Variants in GPLD1 observed in about 807,000 individuals in gnomAD.
GPLD1 encodes glycosylphosphatidylinositol specific phospholipase D1.
Under a neutral mutation model 112.6 loss-of-function variants are expected in GPLD1, and 84 were observed. The observed-to-expected ratio is 0.75, with a 90% CI of 0.63 to 0.89. The LOEUF is 0.89. GPLD1 is among the 40% of genes least tolerant of loss of function. The probability of loss-of-function intolerance (pLI) is 0.00; values close to 1 mark genes in which losing one functional copy is unlikely to be tolerated. For synonymous variants in GPLD1, 386 were observed against 403.8 expected (o/e 0.96, Z 0.53); for missense variants, 1,044 against 1,051.5 (o/e 0.99, Z 0.10).
At chr6:24,494,138 A>G (rs1425612027), upstream of GPLD1, among the ~76,000 whole-genome samples, 1 of 152,154 alleles carries the variant, frequency 6.6e-6, no homozygotes, top group Non-Finnish European at 1.5e-5. Context: ...CTAGTTGGTG[A>G]CCCAACTTTA....
intron 4 of GPLD1, 101 bp from the exon 5 acceptor site, chr6:24,475,332 ACCT>A: frequency 1.4e-6 from 1 of 695,174 alleles, no homozygotes; most frequent in Admixed American, 2.4e-5. Flanking sequence ...TGTTACTGAG[ACCT>A]AACAAAAAAT....
intron 6 of GPLD1, chr6:24,473,001 C>G (rs1763877251): frequency 6.1e-6 from 1 of 164,560 alleles, no homozygotes; most frequent in African/African-American, 2.4e-5. Flanking sequence ...GTCTTGAACT[C>G]CTGACCTCAG....
At chr6:24,439,945 G>A (rs1376678170) in intron 20 of GPLD1, among the ~76,000 whole-genome samples, 1 of 152,118 alleles carries the variant, frequency 6.6e-6, no homozygotes, top group African/African-American at 2.4e-5. Flanking sequence ...ACGAGCACTA[G>A]TCCCTAGGGT....
At chr6:24,440,756 G>A (rs1196585592) in intron 20 of GPLD1, among the ~76,000 whole-genome samples, 2 of 149,590 alleles carry the variant, frequency 1.3e-5, no homozygotes, top group East Asian at 2.0e-4. Context: ...AGAAGAAAAT[G>A]TATATACTAT....
Position 24,467,183 on chromosome 6 carries a change from T to A in GPLD1, c.637A>T (p.Ile213Phe). ...TACGCTTACATTTCTAAGAACTGGATATGTGAACAATCAACGATTACATTT... is the reference window on the plus strand; with the variant it reads ...TACGCTTACATTTCTAAGAACTGGAAATGTGAACAATCAACGATTACATTT... ...TENVIVDCSH[I>F]QFLEMYGEML... The change falls in exon 8 of 25, where the codon ATC (isoleucine) becomes TTC (phenylalanine). Residue 213 changes from isoleucine (I) to phenylalanine (F), a missense_variant. Ile to Phe is a conservative substitution (Grantham distance 21). Transcript: ENST00000230036. The A allele has an allele frequency of 1.3e-6, 2 of 1,576,516 alleles. No homozygotes were observed. The highest frequency in any genetic ancestry group is 1.7e-6 in the Non-Finnish European group (2 of 1,145,676).
chr6:24,470,972 GT>G (rs924912677), intron 7 of GPLD1, among the ~76,000 whole-genome samples: 5 of 152,146 alleles, frequency 3.3e-5, no homozygotes, highest in African/African-American at 1.2e-4. Flanking sequence ...TTCCAGCAAA[GT>G]TTTTCTTGGA....
chr6:24,431,535 C>CTT (rs59056170), intron 24 of GPLD1, among the ~76,000 whole-genome samples: 11 of 139,046 alleles, frequency 7.9e-5, no homozygotes, highest in African/African-American at 1.3e-4. Flanking sequence ...TAAGGTTAAA[C>CTT]TTTTTTTTTT....
chr6:24,440,293 A>G (rs1561831472), intron 20 of GPLD1, among the ~76,000 whole-genome samples: 1 of 152,140 alleles, frequency 6.6e-6, no homozygotes. Flanking sequence ...CATCACTACA[A>G]AAAGTAGGGT....
chr6:24,488,959 T>C (rs1273643586), intron 1 of GPLD1, among the ~76,000 whole-genome samples: 1 of 152,146 alleles, frequency 6.6e-6, no homozygotes, highest in African/African-American at 2.4e-5. Flanking sequence ...TTACAGCAAT[T>C]TGACTCAGGG....
At chr6:24,425,342 C>T (rs911560550), downstream of GPLD1, 4 of 152,120 alleles carry the variant, frequency 2.6e-5, no homozygotes, top group African/African-American at 9.7e-5. Flanking sequence ...TTTTTCCTTG[C>T]AGTTTTATTG....
rs1204927317 is a variant in GPLD1, at chr6:24,495,069, C to G, written n.137G>C. Reference sequence around the variant, plus strand: ...GTCGACGTTTCCAGGCTGCCGCCTCCGCCCCCGCGCCGGCGGCCTGGTCCC... The same window carrying G: ...GTCGACGTTTCCAGGCTGCCGCCTCGGCCCCCGCGCCGGCGGCCTGGTCCC... On this transcript the variant is annotated non_coding_transcript_exon_variant, in exon 1 of 11. Coordinates refer to the GPLD1 transcript ENST00000474784. The G allele has an allele frequency of 1.5e-6, 2 of 1,329,144 alleles. No individual in the cohort carries two copies. Among genetic ancestry groups the G allele is most frequent in the Non-Finnish European group, 1.9e-6 (2 of 1,041,526 alleles). 82.3% of individuals were successfully genotyped at this position (1,329,144 alleles called of 1,614,324 possible).
At chr6:24,456,175 G>T (rs1467734414) in intron 13 of GPLD1, among the ~76,000 whole-genome samples, 1 of 152,192 alleles carries the variant, frequency 6.6e-6, no homozygotes, top group Non-Finnish European at 1.5e-5. Flanking sequence ...AAGGCGGGAA[G>T]ATCACTTGAG....
intron 20 of GPLD1, among the ~76,000 whole-genome samples, chr6:24,442,476 A>T (rs1460539155): frequency 3.1e-5 from 3 of 97,438 alleles, no homozygotes; most frequent in African/African-American, 1.2e-4. Context: ...ATGGAATTTC[A>T]CTCTGTCACC....
intron 14 of GPLD1, among the ~76,000 whole-genome samples, chr6:24,451,272 C>T (rs1025529504): frequency 1.3e-5 from 2 of 152,138 alleles, no homozygotes; most frequent in Non-Finnish European, 2.9e-5. Context: ...TCTTTCTTAT[C>T]CTACCGTCTG....
At chr6:24,457,831 C>G (rs1000375469) in intron 12 of GPLD1, among the ~76,000 whole-genome samples, 1 of 151,852 alleles carries the variant, frequency 6.6e-6, no homozygotes, top group African/African-American at 2.4e-5. Context: ...TGAGATCGTG[C>G]CGCTGCACGC....
At chr6:24,495,265 T>C (rs1272389025), upstream of GPLD1, 8 of 1,532,174 alleles carry the variant, frequency 5.2e-6, no homozygotes, top group Non-Finnish European at 7.0e-6. Flanking sequence ...CTGGGCATGG[T>C]AGCCGACTGC....
chr6:24,495,128 C>CCGCTGCTA, exon 1 of GPLD1: 1 of 1,388,302 alleles, frequency 7.2e-7, no homozygotes, highest in Non-Finnish European at 9.3e-7. Flanking sequence ...CGGCCCAGCT[C>CCGCTGCTA]CGCTGCTACG....
exon 1 of GPLD1, chr6:24,494,980 C>T (rs754410581): frequency 1.5e-6 from 2 of 1,311,254 alleles, no homozygotes; most frequent in Admixed American, 6.2e-5. Context: ...TTTCCTGTCG[C>T]CGTCGTTGCC....
rs371076678 is a variant in GPLD1, at chr6:24,448,595, A to G, written c.1447-387T>C. ...CCACAATGCAGAAATGATGTCATTT[A>G]TATCTTTGCCTCCCTGATGTCTTAC... On this transcript the variant is annotated intron_variant, in intron 15 of 24. Transcript: ENST00000230036. 7.2e-5 allele frequency among the ~76,000 whole-genome samples: 11 copies of G among 152,200 alleles called. No homozygotes were observed. In the East Asian group the frequency reaches 1.5e-3, roughly 21 times the overall value.
Sources: gnomAD v4.1 joint callset for allele counts (sites outside exome capture counted in the v4.1 genomes callset) on GRCh38, gnomAD v4.1.1 for gene constraint, MANE v1.5 for transcripts, NCBI Gene and HGNC (gene_info 2026-07-23, HGNC 2026-07-21) for gene names.